FIG4: variants seen among roughly 807,000 people sequenced by gnomAD.
The protein encoded by FIG4 is FIG4 phosphoinositide 5-phosphatase, also known as polyphosphoinositide phosphatase.
Under a neutral mutation model 118.6 loss-of-function variants are expected in FIG4, and 112 were observed. The observed-to-expected ratio is 0.94, with a 90% CI of 0.81 to 1.11. The LOEUF (loss-of-function observed/expected upper bound fraction) is 1.11. Ranked by LOEUF, FIG4 falls within the 50% of genes least tolerant of loss-of-function variation. The pLI is 0.00. For missense variants in FIG4, 969 were observed against 1,111.7 expected, an observed-to-expected ratio of 0.87 and a Z score of 1.83; for synonymous variants, 369 against 381.2, an observed-to-expected ratio of 0.97 and a Z score of 0.37.
intron 22 of FIG4, among the ~76,000 whole-genome samples, chr6:109,804,862 GT>G (rs2128399667): frequency 6.6e-6 from 1 of 152,236 alleles, no homozygotes; most frequent in Non-Finnish European, 1.5e-5. Context: ...GAGACTTTGA[GT>G]TCTTGAGAGC....
At position 109,741,483 on chromosome 6, in the gene FIG4, T is replaced by C. The variant is rs765737780; in HGVS notation, c.815T>C (p.Ile272Thr). ...GGACGACCAGTGTATGTCACTCTAA[T>C]AGCTAGAAGATCCAGTAAATTTGCT... ...IYGRPVYVTL[I>T]ARRSSKFAGT... The change falls in exon 8 of 23, where the codon ATA (isoleucine) becomes ACA (threonine). Residue 272 changes from isoleucine to threonine, a missense_variant. Transcript: ENST00000230124. The C allele has an allele frequency of 1.8e-5, 29 of 1,613,246 alleles. No homozygotes were observed. The highest frequency in any genetic ancestry group is 2.3e-5 in the Non-Finnish European group (27 of 1,179,466).
intron 11 of FIG4, among the ~76,000 whole-genome samples, chr6:109,761,883 G>C (rs1295334133): frequency 3.3e-5 from 5 of 152,150 alleles, no homozygotes; most frequent in African/African-American, 1.2e-4. Context: ...CAGGTCTTTT[G>C]TGTCTCTTTC....
chr6:109,756,405 A>T (rs1469660350), intron 10 of FIG4, among the ~76,000 whole-genome samples: 1 of 151,710 alleles, frequency 6.6e-6, no homozygotes, highest in East Asian at 1.9e-4. Context: ...GAATCTGACA[A>T]TTATGTGTCT....
chr6:109,777,915 T>C (rs1271884662), intron 16 of FIG4, among the ~76,000 whole-genome samples: 1 of 152,206 alleles, frequency 6.6e-6, no homozygotes, highest in Non-Finnish European at 1.5e-5. Context: ...TTTCCTTATC[T>C]GAAAATGTAA....
chr6:109,727,065 A>T, intron 3 of FIG4, 44 bp from the exon 4 acceptor site: 1 of 1,476,440 alleles, frequency 6.8e-7, no homozygotes, highest in Non-Finnish European at 9.5e-7. Context: ...AAAAGCCATT[A>T]CTAAGTTTAT....
At chr6:109,716,604 T>G (rs1309608607) in intron 3 of FIG4, 36 bp downstream of exon 3, 2 of 1,611,992 alleles carry the variant, frequency 1.2e-6, no homozygotes, top group Non-Finnish European at 1.7e-6. Context: ...AATCTCTTGT[T>G]TTTTGTTTTT....
chr6:109,739,690 C>T (rs1776266089), intron 7 of FIG4, among the ~76,000 whole-genome samples: 1 of 152,126 alleles, frequency 6.6e-6, no homozygotes, highest in African/African-American at 2.4e-5. Flanking sequence ...CCACTCAGGC[C>T]AGCCCTGGCC....
chr6:109,768,827 G>A (rs539541103), intron 15 of FIG4, among the ~76,000 whole-genome samples: 4 of 152,242 alleles, frequency 2.6e-5, no homozygotes, highest in African/African-American at 4.8e-5. Flanking sequence ...TAGGGCTGCT[G>A]TATCAAAACA....
chr6:109,728,103 G>A (rs1029794814), intron 4 of FIG4, among the ~76,000 whole-genome samples: 1 of 152,124 alleles, frequency 6.6e-6, no homozygotes, highest in Non-Finnish European at 1.5e-5. Flanking sequence ...AATGGTTTGC[G>A]GTCACTGAGG....
intron 3 of FIG4, among the ~76,000 whole-genome samples, chr6:109,717,936 G>A (rs1775483602): frequency 6.6e-6 from 1 of 152,162 alleles, no homozygotes; most frequent in African/African-American, 2.4e-5. Context: ...GTAATATTAA[G>A]TGGTTGTATT....
intron 4 of FIG4, among the ~76,000 whole-genome samples, chr6:109,732,420 T>C (rs1346200929): frequency 1.3e-5 from 2 of 152,162 alleles, no homozygotes; most frequent in Non-Finnish European, 2.9e-5. Flanking sequence ...GCATAATCAG[T>C]GGTAAGGAAC....
intron 4 of FIG4, among the ~76,000 whole-genome samples, chr6:109,730,826 G>A (rs1365415589): frequency 6.6e-6 from 1 of 152,066 alleles, no homozygotes; most frequent in African/African-American, 2.4e-5. Flanking sequence ...ATCCTGGTAT[G>A]GAAAAGGATT....
chr6:109,716,311 A>T, intron 2 of FIG4, 134 bp from the exon 3 acceptor site: 2 of 837,614 alleles, frequency 2.4e-6, no homozygotes, highest in Non-Finnish European at 3.8e-6. Context: ...ATTGTAGCTT[A>T]CTTGTGTACT....
At chr6:109,807,344 A>G (rs1778594619) in intron 22 of FIG4, among the ~76,000 whole-genome samples, 1 of 152,130 alleles carries the variant, frequency 6.6e-6, no homozygotes, top group Non-Finnish European at 1.5e-5. Context: ...TTTTATTTGT[A>G]TTTCTCTAAT....
At chr6:109,785,162 C>A in intron 17 of FIG4, 134 bp downstream of exon 17, 1 of 686,016 alleles carries the variant, frequency 1.5e-6, no homozygotes, top group South Asian at 1.6e-5. Flanking sequence ...TATTATGTTG[C>A]TGCTTTAATA....
intron 22 of FIG4, among the ~76,000 whole-genome samples, chr6:109,806,497 G>A (rs565210984): frequency 2.0e-5 from 3 of 152,118 alleles, no homozygotes; most frequent in East Asian, 3.9e-4. Flanking sequence ...GTGTGTGTGT[G>A]CATGTGCTTG....
At chr6:109,725,462 C>T (rs1180187256) in intron 3 of FIG4, among the ~76,000 whole-genome samples, 1 of 152,112 alleles carries the variant, frequency 6.6e-6, no homozygotes, top group Non-Finnish European at 1.5e-5. Flanking sequence ...CATAGTATTC[C>T]ATGGTGTATA....
In FIG4 at chr6:109,738,548, C is replaced by G; in HGVS notation, c.775+95C>G. ...CATATGAATTATATGATTATAATAC[C>G]ACTCTGTGCACCCCAACAGGAAAAC... On this transcript the variant is annotated intron_variant, in intron 7 of 22. Coordinates refer to ENST00000230124, the MANE Select transcript of FIG4 (RefSeq NM_014845.6). The G allele has an allele frequency of 5.2e-6, 6 of 1,155,356 alleles. No homozygotes were observed. In the South Asian group the frequency reaches 6.2e-5, roughly 12 times the overall value. 71.6% of individuals were successfully genotyped at this position (1,155,356 alleles called of 1,614,324 possible).
At chr6:109,814,440 C>A (rs560702097) in intron 22 of FIG4, among the ~76,000 whole-genome samples, 93 of 120,868 alleles carry the variant, frequency 7.7e-4, no homozygotes, top group African/African-American at 2.5e-3. Context: ...CCGTGCCTGG[C>A]CTAATGATTT....
Sources: gnomAD v4.1 joint callset for allele counts (sites outside exome capture counted in the v4.1 genomes callset) on GRCh38, gnomAD v4.1.1 for gene constraint, MANE v1.5 for transcripts, NCBI Gene and HGNC (gene_info 2026-07-23, HGNC 2026-07-21) for gene names.